CYFIP1: variants seen among roughly 807,000 people sequenced by gnomAD.
CYFIP1 encodes the protein cytoplasmic FMR1-interacting protein 1.
A neutral mutation model predicts 163.5 loss-of-function variants in CYFIP1; 58 were observed. The observed-to-expected ratio is 0.35, with a 90% CI of 0.29 to 0.44. CYFIP1 has a LOEUF of 0.44. CYFIP1 is among the 20% of genes least tolerant of loss of function. The pLI is 1.00. For synonymous variants in CYFIP1, 663 were observed against 660.7 expected, an observed-to-expected ratio of 1.00 and a Z score of -0.05; for missense variants, 1,338 against 1,653.8, an observed-to-expected ratio of 0.81 and a Z score of 3.31.
rs1452644119 is a variant in CYFIP1 at position 22,867,461 on chromosome 15, C to G, written c.*2567G>C. 1 of 343,560 alleles carries G rather than the reference C, an allele frequency of 2.9e-6. No homozygotes were observed. Among genetic ancestry groups the G allele is most frequent in the Non-Finnish European group, 5.2e-6 (1 of 193,040 alleles). The allele number at this position is 343,560 out of a possible 1,614,324, so 21.3% of individuals were successfully genotyped here. A position where few individuals can be genotyped will look rare whatever the true frequency, so the allele number is the denominator to read the frequency against. On this transcript the variant is annotated 3_prime_UTR_variant, in exon 31 of 31. Transcript: ENST00000617928. ...AGATGATCACCGTGAATCCGGCTTC[C>G]TCTGAGCATTCGATGGCCTTAGCAC...
At chr15:22,953,279 G>A (rs1278683428) in intron 1 of CYFIP1, among the ~76,000 whole-genome samples, 4 of 152,156 alleles carry the variant, frequency 2.6e-5, no homozygotes, top group Non-Finnish European at 4.4e-5. Flanking sequence ...GCACATCAGA[G>A]CTCATGTCTC....
chr15:22,870,101 T>C lies in CYFIP1; in HGVS notation c.3689A>G (p.Asp1230Gly), dbSNP rs1285625633. Residue 1230 changes from aspartate to glycine, a missense_variant, in exon 31 of 31, where the codon GAC (aspartate) becomes GGC (glycine). By Grantham distance (94) the Asp-to-Gly change is moderately conservative (BLOSUM62 -1). Around this residue, in one of 4 missense-constraint regions of CYFIP1, gnomAD observed 306 missense variants for 322.1 expected, o/e 0.95. Coordinates refer to ENST00000617928, the MANE Select transcript of CYFIP1 (RefSeq NM_014608.6). ...ATGCTCCACTGGCGTGCCCTCCCCG[T>C]CGCCTGACTTCAGGTACTTATCCAG... is the stretch of plus-strand genomic sequence containing the variant. ...TILDKYLKSG[D>G]GEGTPVEHVR... The C allele has an allele frequency of 6.2e-7, 1 of 1,613,126 alleles. No homozygotes were observed. The highest frequency in any genetic ancestry group is 2.2e-5 in the East Asian group (1 of 44,826).
chr15:22,913,204 G>GA (rs2060840366), intron 17 of CYFIP1, among the ~76,000 whole-genome samples: 11 of 146,192 alleles, frequency 7.5e-5, no homozygotes, highest in South Asian at 2.2e-4. Flanking sequence ...TCTGTTGGGG[G>GA]GAAAAAAAAA....
chr15:22,968,641 G>A (rs953608357), intron 1 of CYFIP1, among the ~76,000 whole-genome samples: 29 of 152,144 alleles, frequency 1.9e-4, no homozygotes, highest in Admixed American at 9.8e-4. Flanking sequence ...CTGTCATCAC[G>A]ACAAACAAGA....
intron 22 of CYFIP1, among the ~76,000 whole-genome samples, chr15:22,895,845 G>C (rs969180567): frequency 6.6e-6 from 1 of 152,196 alleles, no homozygotes; most frequent in Admixed American, 6.5e-5. Flanking sequence ...CCCCTGGCTG[G>C]CAGTACCCTG....
intron 6 of CYFIP1, among the ~76,000 whole-genome samples, chr15:22,940,881 A>G (rs1015454894): frequency 6.6e-6 from 1 of 152,082 alleles, no homozygotes; most frequent in Non-Finnish European, 1.5e-5. Flanking sequence ...CTCTACTAAA[A>G]ATATAAAAAT....
intron 1 of CYFIP1, among the ~76,000 whole-genome samples, chr15:22,963,651 G>A (rs773612238): frequency 6.6e-6 from 1 of 152,150 alleles, no homozygotes; most frequent in Admixed American, 6.5e-5. Context: ...CTCTTCAAGC[G>A]GAAGTGTGTT....
At chr15:22,904,890 C>T (rs2060518494) in intron 21 of CYFIP1, 1 of 152,172 alleles carries the variant, frequency 6.6e-6, no homozygotes, top group Non-Finnish European at 1.5e-5. Context: ...GCACTGTGCC[C>T]GCCAGCGCCC....
intron 22 of CYFIP1, among the ~76,000 whole-genome samples, chr15:22,900,954 G>A (rs1263007451): frequency 1.1e-4 from 16 of 151,710 alleles, no homozygotes; most frequent in Non-Finnish European, 1.5e-5. Context: ...TGTAATCCCA[G>A]CACTTTGGGT....
intron 23 of CYFIP1, among the ~76,000 whole-genome samples, chr15:22,889,958 A>T (rs553432863): frequency 6.6e-6 from 1 of 152,160 alleles, no homozygotes; most frequent in Non-Finnish European, 1.5e-5. Context: ...CACTTACTCT[A>T]ATCCTTTAAA....
intron 22 of CYFIP1, among the ~76,000 whole-genome samples, chr15:22,894,748 ATAT>A (rs1170841694): frequency 2.0e-5 from 3 of 149,890 alleles, no homozygotes; most frequent in Admixed American, 1.3e-4. Context: ...ACTCTTTATA[ATAT>A]TATTTAAAAT....
At chr15:22,880,875 T>C (rs990869874) in intron 25 of CYFIP1, among the ~76,000 whole-genome samples, 2 of 152,152 alleles carry the variant, frequency 1.3e-5, no homozygotes, top group Non-Finnish European at 2.9e-5. Flanking sequence ...TGCACCTGTG[T>C]CATTCCCAGC....
chr15:22,964,129 C>CTAT (rs1373999407), intron 1 of CYFIP1, among the ~76,000 whole-genome samples: 1 of 150,194 alleles, frequency 6.7e-6, no homozygotes, highest in Non-Finnish European at 1.5e-5. Context: ...TTAAATCGAG[C>CTAT]TATTACGCAT....
At chr15:22,883,810 T>C (rs1435574919) in intron 23 of CYFIP1, among the ~76,000 whole-genome samples, 29 of 112,680 alleles carry the variant, frequency 2.6e-4, no homozygotes, top group South Asian at 9.2e-4. Flanking sequence ...GAACGAGACT[T>C]CATCTCAAAA....
intron 26 of CYFIP1, among the ~76,000 whole-genome samples, chr15:22,876,491 T>C (rs1361109601): frequency 1.3e-5 from 2 of 152,084 alleles, no homozygotes; most frequent in Non-Finnish European, 2.9e-5. Context: ...TAATTATTTA[T>C]GTCCATGAGT....
At chr15:22,875,782 G>C (rs2059565353) in intron 26 of CYFIP1, among the ~76,000 whole-genome samples, 1 of 151,004 alleles carries the variant, frequency 6.6e-6, no homozygotes, top group African/African-American at 2.4e-5. Context: ...ATTCCCTACA[G>C]AGCCCAAAAC....
intron 17 of CYFIP1, chr15:22,912,532 C>A: frequency 2.4e-6 from 1 of 417,102 alleles, no homozygotes; most frequent in Non-Finnish European, 4.2e-6. Context: ...GGGCCTCCAC[C>A]TGCCTGCATC....
chr15:22,932,833 CTT>C (rs898514308), intron 10 of CYFIP1, among the ~76,000 whole-genome samples: 15 of 151,814 alleles, frequency 9.9e-5, no homozygotes, highest in African/African-American at 3.6e-4. Context: ...CTGTCAGTCT[CTT>C]CTTTTTTTCT....
chr15:22,876,861 G>C (rs1388439601), intron 26 of CYFIP1, among the ~76,000 whole-genome samples: 1 of 151,372 alleles, frequency 6.6e-6, no homozygotes, highest in Non-Finnish European at 1.5e-5. Flanking sequence ...GTAAAGAAAA[G>C]CTTTTGACAC....
Sources: allele counts gnomAD v4.1 joint callset (sites outside exome capture counted in the v4.1 genomes callset), GRCh38; gene constraint gnomAD v4.1.1; regional missense constraint gnomAD v4.1.1; transcripts MANE v1.5; gene names NCBI Gene and HGNC (gene_info 2026-07-23, HGNC 2026-07-21).